Variants in TNNI3K observed in about 807,000 individuals in gnomAD.
TNNI3K encodes the protein serine/threonine-protein kinase TNNI3K.
Under a neutral mutation model 114.5 loss-of-function variants are expected in TNNI3K, and 140 were observed. That is an observed-to-expected ratio of 1.22 (90% CI 1.07 to 1.41). The LOEUF (loss-of-function observed/expected upper bound fraction) is 1.41. Ranked by LOEUF, TNNI3K falls within the 40% of genes most tolerant of loss-of-function variation. The pLI, the probability that TNNI3K is intolerant of heterozygous loss-of-function variation, is 0.00. For synonymous variants in TNNI3K, 347 were observed against 347.5 expected, an observed-to-expected ratio of 1.00 and a Z score of 0.02; for missense variants, 1,125 against 1,007.6, an observed-to-expected ratio of 1.12 and a Z score of -1.58.
At chr1:74,418,688 A>G (rs1245476729) in intron 17 of TNNI3K, among the ~76,000 whole-genome samples, 3 of 151,998 alleles carry the variant, frequency 2.0e-5, no homozygotes, top group Non-Finnish European at 4.4e-5. Flanking sequence ...TAACGACTCA[A>G]TTTCCATCTT....
chr1:74,490,510 A>G (rs772601591), intron 22 of TNNI3K, among the ~76,000 whole-genome samples: 1 of 152,202 alleles, frequency 6.6e-6, no homozygotes, highest in Non-Finnish European at 1.5e-5. Flanking sequence ...CTACTAAACT[A>G]GCTTGTCTTA....
At chr1:74,250,586 T>C (rs1405076909) in intron 3 of TNNI3K, 86 bp from the exon 4 acceptor site, 11 of 1,272,130 alleles carry the variant, frequency 8.6e-6, no homozygotes, top group Non-Finnish European at 1.1e-5. Flanking sequence ...TATACAGCTG[T>C]ATGGCATTTA....
At chr1:74,274,390 G>A (rs1184707343) in intron 5 of TNNI3K, among the ~76,000 whole-genome samples, 1 of 151,896 alleles carries the variant, frequency 6.6e-6, no homozygotes, top group African/African-American at 2.4e-5. Context: ...AACCTGTGTT[G>A]TTCAAGGGTC....
chr1:74,282,159 G>C (rs1657053739), intron 5 of TNNI3K, among the ~76,000 whole-genome samples: 1 of 151,920 alleles, frequency 6.6e-6, no homozygotes, highest in Non-Finnish European at 1.5e-5. Context: ...GTATCTCACT[G>C]TACATTACAG....
chr1:74,491,273 G>A (rs1390676354), intron 22 of TNNI3K, among the ~76,000 whole-genome samples: 1 of 152,214 alleles, frequency 6.6e-6, no homozygotes, highest in African/African-American at 2.4e-5. Flanking sequence ...AGGCTGGAGT[G>A]CAGTGGCGCA....
Position 74,376,083 on chromosome 1 carries a change from G to A in TNNI3K, c.1772+5691G>A, listed in dbSNP as rs544473663. On this transcript the variant is annotated intron_variant, in intron 17 of 24. Coordinates refer to ENST00000326637, the MANE Select transcript of TNNI3K (RefSeq NM_015978.3). ...GCCAACTTTCCAATGACAAATGACA[G>A]GTAATTTAAAAAGACAGAGCTGTTA... 7.2e-5 allele frequency among the ~76,000 whole-genome samples: 11 copies of A among 151,784 alleles called. No individual in the cohort carries two copies. In the South Asian group the frequency reaches 2.3e-3, roughly 32 times the overall value.
At chr1:74,367,447 C>T in intron 12 of TNNI3K, 105 bp downstream of exon 12, 1 of 1,216,730 alleles carries the variant, frequency 8.2e-7, no homozygotes. Context: ...GGGAGGAGGG[C>T]ATAGCCTATG....
intron 23 of TNNI3K, among the ~76,000 whole-genome samples, chr1:74,513,581 T>A (rs1464909331): frequency 6.6e-6 from 1 of 152,214 alleles, no homozygotes; most frequent in Non-Finnish European, 1.5e-5. Context: ...CAAATCTGCT[T>A]CATCCAGAGG....
At chr1:74,398,471 G>T (rs1349781124) in intron 17 of TNNI3K, among the ~76,000 whole-genome samples, 1 of 152,106 alleles carries the variant, frequency 6.6e-6, no homozygotes, top group African/African-American at 2.4e-5. Context: ...TAAACAAAAA[G>T]GTAGTTAGAA....
chr1:74,261,020 A>G (rs1040845012), intron 4 of TNNI3K, among the ~76,000 whole-genome samples: 2 of 152,104 alleles, frequency 1.3e-5, no homozygotes, highest in East Asian at 1.9e-4. Context: ...GTTTATTACA[A>G]ATATGATTAG....
intron 7 of TNNI3K, among the ~76,000 whole-genome samples, chr1:74,341,312 A>G (rs984922351): frequency 6.6e-6 from 1 of 152,186 alleles, no homozygotes; most frequent in Non-Finnish European, 1.5e-5. Flanking sequence ...TAAGATGGAC[A>G]TTAGTAAAAA....
intron 6 of TNNI3K, among the ~76,000 whole-genome samples, chr1:74,334,117 G>C (rs45627538): frequency 6.6e-6 from 1 of 152,278 alleles, no homozygotes; most frequent in South Asian, 2.1e-4. Flanking sequence ...CCAAGAGGTA[G>C]AAATATTATT....
chr1:74,415,275 C>G (rs555453196), intron 17 of TNNI3K, among the ~76,000 whole-genome samples: 44 of 152,214 alleles, frequency 2.9e-4, no homozygotes, highest in African/African-American at 9.6e-4. Context: ...ATAGCCACCC[C>G]CACCCTTGCA....
chr1:74,266,726 T>G (rs568019290), intron 4 of TNNI3K, among the ~76,000 whole-genome samples: 2 of 152,146 alleles, frequency 1.3e-5, no homozygotes, highest in South Asian at 4.1e-4. Flanking sequence ...TTGCTTATCT[T>G]GGCTTTATCC....
chr1:74,478,399 A>G (rs185109955), intron 21 of TNNI3K, among the ~76,000 whole-genome samples: 2 of 152,316 alleles, frequency 1.3e-5, no homozygotes, highest in East Asian at 1.9e-4. Flanking sequence ...TAGAATTTGT[A>G]TTCATCTCAA....
At chr1:74,397,240 A>T (rs1302896187) in intron 17 of TNNI3K, among the ~76,000 whole-genome samples, 2 of 152,098 alleles carry the variant, frequency 1.3e-5, no homozygotes, top group Admixed American at 6.5e-5. Flanking sequence ...TGAGAGAAAG[A>T]CTGAAAAAGA....
chr1:74,365,912 A>G (rs1662246073), intron 11 of TNNI3K, among the ~76,000 whole-genome samples: 1 of 152,070 alleles, frequency 6.6e-6, no homozygotes, highest in Non-Finnish European at 1.5e-5. Context: ...ATGTAGATTT[A>G]AGTTTTGCTA....
intron 4 of TNNI3K, among the ~76,000 whole-genome samples, chr1:74,266,947 G>A (rs1656032260): frequency 6.6e-6 from 1 of 151,762 alleles, no homozygotes; most frequent in Admixed American, 6.6e-5. Flanking sequence ...TTCCACACAT[G>A]GATTTTCTTC....
At chr1:74,458,463 C>G (rs563139925) in intron 20 of TNNI3K, among the ~76,000 whole-genome samples, 55 of 152,134 alleles carry the variant, frequency 3.6e-4, no homozygotes, top group African/African-American at 1.3e-3. Flanking sequence ...ATTGAAGCAC[C>G]TCCTCCCATA....
Sources: gnomAD v4.1 joint callset for allele counts (sites outside exome capture counted in the v4.1 genomes callset) on GRCh38, gnomAD v4.1.1 for gene constraint, MANE v1.5 for transcripts, NCBI Gene and HGNC (gene_info 2026-07-23, HGNC 2026-07-21) for gene names.